The following PERP variants were observed in gnomAD, a reference collection of about 807,000 sequenced individuals.
PERP encodes the protein p53 apoptosis effector related to PMP-22.
In PERP, 11 loss-of-function variants were observed where a neutral mutation model predicts 20.3. The observed-to-expected ratio is 0.54, with a 90% CI of 0.34 to 0.90. The LOEUF is 0.90. PERP is among the 40% of genes least tolerant of loss of function. The pLI is 0.02. For synonymous variants in PERP, 101 were observed against 102.0 expected, an observed-to-expected ratio of 0.99 and a Z score of 0.06; for missense variants, 224 against 249.4, an observed-to-expected ratio of 0.90 and a Z score of 0.69.
chr6:138,093,751 T>C (rs142575925), intron 2 of PERP, among the ~76,000 whole-genome samples: 1 of 152,330 alleles, frequency 6.6e-6, no homozygotes, highest in East Asian at 1.9e-4. Context: ...ATTTTTCTGA[T>C]GTTTAATGTA....
intron 1 of PERP, among the ~76,000 whole-genome samples, chr6:138,102,688 A>T (rs1775791408): frequency 6.6e-6 from 1 of 152,238 alleles, no homozygotes; most frequent in African/African-American, 2.4e-5. Flanking sequence ...ACTGGGTCTT[A>T]AACGTTCTAG....
chr6:138,097,749 T>C (rs1039611916), intron 1 of PERP, among the ~76,000 whole-genome samples: 3 of 152,222 alleles, frequency 2.0e-5, no homozygotes, highest in African/African-American at 4.8e-5. Flanking sequence ...TTTTTAAAGA[T>C]ATAATTTACA....
intron 1 of PERP, among the ~76,000 whole-genome samples, chr6:138,098,105 T>A (rs1401661919): frequency 1.3e-5 from 2 of 152,348 alleles, no homozygotes; most frequent in Non-Finnish European, 2.9e-5. Context: ...TGATTAATAT[T>A]CTATGGTATG....
In PERP at chr6:138,091,773, A is replaced by G. The variant is rs1358992496; in HGVS notation, c.*269T>C. On this transcript the variant is annotated 3_prime_UTR_variant, in exon 3 of 3. Transcript: ENST00000421351. ...CACGTGCATATTCTCTTACAAATGT[A>G]GTATAAATGTTATGGATAGATATAA... The G allele has an allele frequency of 3.4e-6, 1 of 297,014 alleles. No homozygotes were observed. The highest frequency in any genetic ancestry group is 4.8e-5 in the Admixed American group (1 of 21,020). The allele number at this position is 297,014 out of a possible 1,614,324, so 18.4% of individuals were successfully genotyped here. A position where few individuals can be genotyped will look rare whatever the true frequency, so the allele number is the denominator to read the frequency against.
At chr6:138,096,311 C>T (rs1272644086) in intron 2 of PERP, 43 bp downstream of exon 2, 2 of 1,607,624 alleles carry the variant, frequency 1.2e-6, no homozygotes, top group East Asian at 4.5e-5. Flanking sequence ...AAGTCGATGC[C>T]CACTGAAGGC....
chr6:138,090,392 TAGAG>T lies in PERP; in HGVS notation c.*1646_*1649del, dbSNP rs1258004232. Reference sequence around the variant, plus strand: ...AATGGGAAGGAGGGCAAGGGGAAAATAGAGAGACTGCTACCCCACCACCTGAATG... The same window carrying T: ...AATGGGAAGGAGGGCAAGGGGAAAATAGACTGCTACCCCACCACCTGAATG... On this transcript the variant is annotated 3_prime_UTR_variant, in exon 3 of 3. Coordinates refer to ENST00000421351, the MANE Select transcript of PERP (RefSeq NM_022121.5). 6 of 151,984 alleles carry T rather than the reference TAGAG, an allele frequency of 3.9e-5. No homozygotes were observed. The highest frequency in any genetic ancestry group is 1.4e-4 in the African/African-American group (6 of 41,408). 9.4% of individuals were successfully genotyped at this position (151,984 alleles called of 1,614,324 possible). A position where few individuals can be genotyped will look rare whatever the true frequency, so the allele number is the denominator to read the frequency against.
chr6:138,100,547 T>TCTG (rs1436065929), intron 1 of PERP, among the ~76,000 whole-genome samples: 3 of 140,204 alleles, frequency 2.1e-5, no homozygotes, highest in East Asian at 4.0e-4. Context: ...CAGATTTGTG[T>TCTG]GTGTGTGTGT....
chr6:138,091,588 A>G lies in PERP; in HGVS notation c.*454T>C, dbSNP rs1416381924. 6.6e-6 allele frequency: 1 copy of G among 152,452 alleles called. No individual in the cohort carries two copies. The highest frequency in any genetic ancestry group is 6.5e-5 in the Admixed American group (1 of 15,320). The allele number at this position is 152,452 out of a possible 1,614,324, so 9.4% of individuals were successfully genotyped here. A position where few individuals can be genotyped will look rare whatever the true frequency, so the allele number is the denominator to read the frequency against. ...GCTTGAAAATAAACTTTTTTTTTGC[A>G]TTTCTTTTAGAATGTTTGGTCATTA... On this transcript the variant is annotated 3_prime_UTR_variant, in exon 3 of 3. Coordinates refer to ENST00000421351, the MANE Select transcript of PERP (RefSeq NM_022121.5).
chr6:138,092,891 G>A (rs1775613105), intron 2 of PERP, among the ~76,000 whole-genome samples: 1 of 152,036 alleles, frequency 6.6e-6, no homozygotes, highest in Non-Finnish European at 1.5e-5. Flanking sequence ...AGGGAGGGCA[G>A]GGGGAAGGGC....
intron 2 of PERP, among the ~76,000 whole-genome samples, chr6:138,093,197 A>G (rs2473096): frequency 0.18 from 27,587 of 152,090 alleles, 2,758 homozygotes; most frequent in Non-Finnish European, 0.22. Context: ...GTACATTGCC[A>G]TGTCAAAGGG....
At chr6:138,104,842 C>T (rs910763982) in intron 1 of PERP, among the ~76,000 whole-genome samples, 1 of 152,146 alleles carries the variant, frequency 6.6e-6, no homozygotes, top group Non-Finnish European at 1.5e-5. Context: ...AAAGTACAAG[C>T]TCATGTAAAT....
chr6:138,096,305 C>G, intron 2 of PERP, 49 bp downstream of exon 2: 1 of 1,601,222 alleles, frequency 6.2e-7, no homozygotes, highest in South Asian at 1.1e-5. Flanking sequence ...ATTACTAAGT[C>G]GATGCCCACT....
At position 138,090,672 on chromosome 6, in the gene PERP, C is replaced by CA. The variant is rs948918121; in HGVS notation, c.*1369dup. The CA allele has an allele frequency of 5.5e-5, 8 of 145,744 alleles. No homozygotes were observed. The East Asian group carries it at 6.2e-4, about 11-fold the overall frequency. 9.0% of individuals were successfully genotyped at this position (145,744 alleles called of 1,614,324 possible). A position where few individuals can be genotyped will look rare whatever the true frequency, so the allele number is the denominator to read the frequency against. On this transcript the variant is annotated 3_prime_UTR_variant, in exon 3 of 3. Transcript: ENST00000421351. ...TGAGCAAGGCCCTTAAAACTTCAAA[C>CA]AAAAAAACAAACAAAAACCACTTTT... is the stretch of plus-strand genomic sequence containing the variant.
In PERP at chr6:138,096,410, C is replaced by A; in HGVS notation, c.299G>T (p.Cys100Phe). The change falls in exon 2 of 3, where the codon TGT (cysteine) becomes TTT (phenylalanine). Residue 100 changes from cysteine to phenylalanine, a missense_variant. Coordinates refer to ENST00000421351, the MANE Select transcript of PERP (RefSeq NM_022121.5). ...ICFILSFFAL[C>F]GPQMLVFLRV... is the part of the protein sequence containing the mutation. ...CAGGAAGACAAGCATCTGGGGTCCA[C>A]AGAGGGCGAAGAAGGAGAGGATGAA... The A allele has an allele frequency of 6.2e-7, 1 of 1,614,052 alleles. No homozygotes were observed. The highest frequency in any genetic ancestry group is 1.3e-5 in the African/African-American group (1 of 75,034).
At chr6:138,104,713 A>G (rs1775819033) in intron 1 of PERP, among the ~76,000 whole-genome samples, 1 of 152,256 alleles carries the variant, frequency 6.6e-6, no homozygotes, top group Non-Finnish European at 1.5e-5. Flanking sequence ...TACACACTCA[A>G]TTCTCTATAC....
rs775254425 is a variant in PERP at position 138,096,338 on chromosome 6, T to C, written c.355+16A>G. 1 of 1,613,012 alleles carries C rather than the reference T, an allele frequency of 6.2e-7. No homozygotes were observed. Among genetic ancestry groups the C allele is most frequent in the Non-Finnish European group, 8.5e-7 (1 of 1,179,570 alleles). On this transcript the variant is annotated intron_variant, in intron 2 of 2. Coordinates refer to ENST00000421351, the MANE Select transcript of PERP (RefSeq NM_022121.5). ...ACTGAAGGCATAAATGAAGAATTGC[T>C]GACACACAGTCTTACCAGCCAAGGC...
intron 1 of PERP, among the ~76,000 whole-genome samples, chr6:138,104,405 T>A (rs764055234): frequency 1.3e-5 from 2 of 152,180 alleles, no homozygotes; most frequent in Non-Finnish European, 2.9e-5. Flanking sequence ...ATGAGGTGAT[T>A]TGGTCATCTG....
At chr6:138,096,229 G>T (rs1195329680) in intron 2 of PERP, 125 bp downstream of exon 2, 2 of 1,229,162 alleles carry the variant, frequency 1.6e-6, no homozygotes, top group Admixed American at 2.7e-5. Context: ...TTCTGCCCTG[G>T]TGATACATTT....
chr6:138,107,209 C>T lies in PERP; in HGVS notation c.132G>A (p.Thr44=), dbSNP rs770634374. Residue 44 remains threonine (T), a synonymous_variant, in exon 1 of 3, where the codon ACG becomes ACA. Transcript: ENST00000421351. This position sits in a 1 kb window ranked among gnomAD's most constrained non-coding sequence, Gnocchi z 4.8. ...GGGAGCATTTCCACCACAGCGAGGA[C>T]GTCTGGCCGTGGTCGCTAGACTGCA... ...GWLQSSDHGQ[T]SSLWWKCSQE... The T allele has an allele frequency of 6.2e-7, 1 of 1,612,400 alleles. No individual in the cohort carries two copies. Among genetic ancestry groups the T allele is most frequent in the South Asian group, 1.1e-5 (1 of 91,046 alleles).
Sources: gnomAD v4.1 joint callset for allele counts (sites outside exome capture counted in the v4.1 genomes callset) on GRCh38, gnomAD v4.1.1 for gene constraint, Gnocchi (gnomAD v3.1) non-coding constraint, MANE v1.5 for transcripts, NCBI Gene and HGNC (gene_info 2026-07-23, HGNC 2026-07-21) for gene names.